GSK3B: variants seen among roughly 807,000 people sequenced by gnomAD.
GSK3B encodes the protein glycogen synthase kinase-3 beta.
A neutral mutation model predicts 56.4 loss-of-function variants in GSK3B; 15 were observed. The ratio of observed to expected loss-of-function variants is 0.27; its 90% CI spans 0.18 to 0.41. The LOEUF (loss-of-function observed/expected upper bound fraction) is 0.41, where lower values mean the gene tolerates loss of function less well. Among genes scored for constraint, GSK3B ranks in the 10% least tolerant of loss-of-function variants. The probability of loss-of-function intolerance (pLI) is 1.00; values close to 1 mark genes in which losing one functional copy is unlikely to be tolerated. For missense variants in GSK3B, 300 were observed against 513.4 expected, an observed-to-expected ratio of 0.58 and a Z score of 4.02; for synonymous variants, 181 against 188.9, an observed-to-expected ratio of 0.96 and a Z score of 0.34.
chr3:119,867,601 G>T (rs2056200340), intron 8 of GSK3B, among the ~76,000 whole-genome samples: 1 of 152,028 alleles, frequency 6.6e-6, no homozygotes, highest in Admixed American at 6.6e-5. Context: ...ACAGTTACAG[G>T]TGACAGGCAT....
chr3:119,832,937 T>C (rs1216512108), intron 10 of GSK3B: 1 of 967,596 alleles, frequency 1.0e-6, no homozygotes, highest in African/African-American at 1.8e-5. Context: ...TAGGACAGGA[T>C]CTACAGCATT....
intron 1 of GSK3B, among the ~76,000 whole-genome samples, chr3:120,077,833 A>C (rs2058380272): frequency 6.6e-6 from 1 of 151,476 alleles, no homozygotes; most frequent in African/African-American, 2.5e-5. Flanking sequence ...GTACTCAAAA[A>C]ATTTTCTTCC....
chr3:119,950,822 T>G (rs1244850881), intron 2 of GSK3B, among the ~76,000 whole-genome samples: 1 of 152,188 alleles, frequency 6.6e-6, no homozygotes, highest in African/African-American at 2.4e-5. Flanking sequence ...GAAAATGGCC[T>G]TCTTTGCCAA....
At chr3:119,868,008 G>T (rs1264950613) in intron 8 of GSK3B, among the ~76,000 whole-genome samples, 1 of 151,714 alleles carries the variant, frequency 6.6e-6, no homozygotes, top group Non-Finnish European at 1.5e-5. Context: ...TATGGCCAGC[G>T]AAGTATGCAG....
In GSK3B at chr3:119,823,088, A is replaced by G. The variant is rs933811952; in HGVS notation, c.*3700T>C. 8.7e-6 allele frequency: 2 copies of G among 229,388 alleles called. No individual in the cohort carries two copies. The highest frequency in any genetic ancestry group is 6.2e-5 in the East Asian group (1 of 16,104). 14.2% of individuals were successfully genotyped at this position (229,388 alleles called of 1,614,324 possible). On this transcript the variant is annotated 3_prime_UTR_variant, in exon 11 of 11. Coordinates refer to ENST00000264235, the MANE Select transcript of GSK3B (RefSeq NM_001146156.2). ...CAGCATGTCACTGGAAAGAAGGTGC[A>G]GTCTTCTGCCTTGCTGGAATGAACA... is the stretch of plus-strand genomic sequence containing the variant.
At chr3:119,941,046 G>A (rs942113693) in intron 3 of GSK3B, among the ~76,000 whole-genome samples, 7 of 135,824 alleles carry the variant, frequency 5.2e-5, no homozygotes, top group Non-Finnish European at 9.2e-5. Context: ...ATGGAGCTTC[G>A]CTCTTGTTGC....
chr3:119,840,172 T>G (rs1310934812), intron 10 of GSK3B, among the ~76,000 whole-genome samples: 1 of 152,048 alleles, frequency 6.6e-6, no homozygotes, highest in Non-Finnish European at 1.5e-5. Context: ...AGGATGGATG[T>G]CAATCCTGCC....
At chr3:120,085,583 T>G (rs1164161610) in intron 1 of GSK3B, among the ~76,000 whole-genome samples, 1 of 152,224 alleles carries the variant, frequency 6.6e-6, no homozygotes, top group East Asian at 1.9e-4. Context: ...GCAGATTGCC[T>G]GAGGTCAGGA....
intron 3 of GSK3B, among the ~76,000 whole-genome samples, chr3:119,929,678 G>A (rs559670885): frequency 2.6e-5 from 4 of 151,950 alleles, no homozygotes; most frequent in African/African-American, 7.3e-5. Flanking sequence ...CGAGGTGGGC[G>A]GATCACCTGA....
intron 3 of GSK3B, among the ~76,000 whole-genome samples, chr3:119,924,012 A>C (rs1208180745): frequency 6.6e-6 from 1 of 152,202 alleles, no homozygotes; most frequent in African/African-American, 2.4e-5. Context: ...CACACACACA[A>C]AAAGATCTTA....
chr3:119,982,233 T>C lies in GSK3B; in HGVS notation c.282+19813A>G, dbSNP rs142778240. Among the ~76,000 whole-genome samples, 1,257 of 152,150 alleles carry C rather than the reference T, an allele frequency of 8.3e-3. 5 individuals are homozygous for C. The highest frequency in any genetic ancestry group is 0.013 in the Non-Finnish European group (902 of 67,982). On this transcript the variant is annotated intron_variant, in intron 2 of 10. Coordinates refer to ENST00000264235, the MANE Select transcript of GSK3B (RefSeq NM_001146156.2). ...GGTCACCAACATCAAAGAACGAAGG[T>C]AGATAAAACCACAAAGATGAGGAGA...
chr3:119,972,590 G>A (rs1304467210), intron 2 of GSK3B, among the ~76,000 whole-genome samples: 2 of 151,792 alleles, frequency 1.3e-5, no homozygotes, highest in East Asian at 1.9e-4. Context: ...TGCCTGTCAC[G>A]AAGCCCAGCT....
chr3:120,072,592 T>G (rs181510042), intron 1 of GSK3B, among the ~76,000 whole-genome samples: 209 of 152,156 alleles, frequency 1.4e-3, no homozygotes, highest in African/African-American at 4.6e-3. Flanking sequence ...AAAATAATAA[T>G]AATAATTATC....
At chr3:120,058,026 T>C (rs575436750) in intron 1 of GSK3B, among the ~76,000 whole-genome samples, 2 of 152,212 alleles carry the variant, frequency 1.3e-5, no homozygotes, top group Admixed American at 6.5e-5. Context: ...TCCACCAATC[T>C]TGTATTGCTT....
intron 10 of GSK3B, among the ~76,000 whole-genome samples, chr3:119,827,126 T>C (rs2055523320): frequency 6.6e-6 from 1 of 152,212 alleles, no homozygotes; most frequent in African/African-American, 2.4e-5. Flanking sequence ...GTCAAAGCTC[T>C]TGCTACAGCT....
intron 1 of GSK3B, among the ~76,000 whole-genome samples, chr3:120,062,260 CAT>C (rs1483410637): frequency 2.0e-5 from 3 of 152,182 alleles, no homozygotes; most frequent in African/African-American, 7.2e-5. Flanking sequence ...CTCCAATATT[CAT>C]AGTCAGAATA....
chr3:119,894,877 C>T (rs1208666426), intron 7 of GSK3B, among the ~76,000 whole-genome samples: 2 of 152,056 alleles, frequency 1.3e-5, no homozygotes, highest in African/African-American at 2.4e-5. Flanking sequence ...TTGGCTCTAA[C>T]ATTTAGGTCT....
chr3:119,962,738 C>T (rs1309646871), intron 2 of GSK3B, among the ~76,000 whole-genome samples: 2 of 152,200 alleles, frequency 1.3e-5, no homozygotes, highest in East Asian at 3.8e-4. Flanking sequence ...CAGTCCTCAA[C>T]CTTTTTGGCA....
intron 1 of GSK3B, among the ~76,000 whole-genome samples, chr3:120,072,891 T>C (rs1348872551): frequency 1.3e-5 from 2 of 152,204 alleles, no homozygotes; most frequent in Admixed American, 1.3e-4. Flanking sequence ...ATATGTTAAC[T>C]GAACGCAAAA....
Sources: allele counts gnomAD v4.1 joint callset (sites outside exome capture counted in the v4.1 genomes callset), GRCh38; gene constraint gnomAD v4.1.1; transcripts MANE v1.5; gene names NCBI Gene and HGNC (gene_info 2026-07-23, HGNC 2026-07-21).